Variants in MDFIC observed in about 807,000 individuals in gnomAD.
The protein encoded by MDFIC is MyoD family inhibitor domain containing.
MDFIC carries 17 observed loss-of-function variants against 23.2 expected under a neutral mutation model. The ratio of observed to expected loss-of-function variants is 0.73; its 90% confidence interval spans 0.50 to 1.10. The LOEUF (loss-of-function observed/expected upper bound fraction) is 1.10, where lower values mean the gene tolerates loss of function less well. MDFIC is among the 50% of genes least tolerant of loss of function. The pLI is 0.00. For synonymous variants in MDFIC, 120 were observed against 115.2 expected (o/e 1.04, Z -0.27); for missense variants, 356 against 316.6 (o/e 1.12, Z -0.95).
intron 2 of MDFIC, among the ~76,000 whole-genome samples, chr7:114,936,526 G>A (rs1373073041): frequency 6.6e-6 from 1 of 152,028 alleles, no homozygotes; most frequent in Non-Finnish European, 1.5e-5. Context: ...ACTAAGAGTA[G>A]TTATAAATGA....
intron 4 of MDFIC, among the ~76,000 whole-genome samples, chr7:115,015,271 T>C (rs914146671): frequency 6.6e-6 from 1 of 152,196 alleles, no homozygotes; most frequent in African/African-American, 2.4e-5. Flanking sequence ...AGCAGGTGGG[T>C]GGAGCAATTG....
intron 2 of MDFIC, among the ~76,000 whole-genome samples, chr7:114,929,708 A>G (rs1350119164): frequency 6.6e-6 from 1 of 152,230 alleles, no homozygotes; most frequent in Non-Finnish European, 1.5e-5. Flanking sequence ...TAAGAGAAAC[A>G]GGGTGCATGG....
chr7:114,944,199 T>A (rs1457487084), intron 3 of MDFIC, among the ~76,000 whole-genome samples: 2 of 152,190 alleles, frequency 1.3e-5, no homozygotes, highest in East Asian at 3.8e-4. Context: ...TCTAGTTTCT[T>A]ACTAATATTC....
intron 3 of MDFIC, among the ~76,000 whole-genome samples, chr7:114,969,526 T>C (rs933393976): frequency 3.9e-5 from 6 of 152,204 alleles, no homozygotes; most frequent in Admixed American, 3.9e-4. Flanking sequence ...CCCAGTATTG[T>C]CAAACTCTGT....
chr7:115,007,019 C>G (rs1791583348), intron 4 of MDFIC, among the ~76,000 whole-genome samples: 1 of 152,072 alleles, frequency 6.6e-6, no homozygotes, highest in Admixed American at 6.6e-5. Context: ...CTGCTGTAGC[C>G]AAACACAAGG....
chr7:114,996,237 C>G (rs1791325200), intron 4 of MDFIC, among the ~76,000 whole-genome samples: 1 of 152,122 alleles, frequency 6.6e-6, no homozygotes, highest in Non-Finnish European at 1.5e-5. Flanking sequence ...TGCTGTGATT[C>G]ACATGGGAGG....
chr7:115,013,021 T>C (rs1482729665), intron 4 of MDFIC, among the ~76,000 whole-genome samples: 1 of 152,052 alleles, frequency 6.6e-6, no homozygotes, highest in Non-Finnish European at 1.5e-5. Context: ...ACATCAATCA[T>C]TGTATGTTAA....
In MDFIC at chr7:114,955,975, T is replaced by A. The variant is rs116659559; in HGVS notation, c.217+13578T>A. The stretch of plus-strand genomic sequence containing the variant: ...AAGTCAAGCAACTGACCTGGGGCCA[T>A]GCAGCTAATATCTTGATTTTTCAGC... On this transcript the variant is annotated intron_variant, in intron 3 of 4. Transcript: ENST00000393486. Among the ~76,000 whole-genome samples, 866 of 152,298 alleles carry A rather than the reference T, an allele frequency of 5.7e-3. 7 individuals are homozygous for A. The highest frequency in any genetic ancestry group is 0.016 in the African/African-American group (663 of 41,558).
In MDFIC at chr7:114,922,372, G is replaced by C. The variant is rs1792097656; in HGVS notation, c.-372G>C. The C allele has an allele frequency of 2.4e-6, 3 of 1,227,338 alleles. No homozygotes were observed. Among genetic ancestry groups the C allele is most frequent in the South Asian group, 4.1e-5 (1 of 24,284 alleles). 76.0% of individuals were successfully genotyped at this position (1,227,338 alleles called of 1,614,324 possible). The stretch of plus-strand genomic sequence containing the variant: ...AGGCAGAGAGGGGGAAGGCCCCCTC[G>C]CAGGGGAGCCGGCTGGAGTGAGCTG... On this transcript the variant is annotated 5_prime_UTR_variant, in exon 1 of 5. Coordinates refer to ENST00000393486, the MANE Select transcript of MDFIC (RefSeq NM_001166345.3).
At chr7:114,942,126 A>T in intron 2 of MDFIC, 149 bp from the exon 3 acceptor site, 1 of 397,860 alleles carries the variant, frequency 2.5e-6, no homozygotes, top group Non-Finnish European at 4.4e-6. Flanking sequence ...TTACTGAGCC[A>T]ATAAAATAGG....
chr7:114,936,490 G>A (rs1792426244), intron 2 of MDFIC, among the ~76,000 whole-genome samples: 1 of 151,996 alleles, frequency 6.6e-6, no homozygotes, highest in Non-Finnish European at 1.5e-5. Flanking sequence ...AAGGTAAAGT[G>A]TACATTTCTA....
chr7:114,993,692 G>A (rs1791241414), intron 4 of MDFIC, among the ~76,000 whole-genome samples: 1 of 152,192 alleles, frequency 6.6e-6, no homozygotes, highest in Non-Finnish European at 1.5e-5. Context: ...GTTCTAGTTT[G>A]ATTGCGCTGT....
chr7:114,942,596 A>G lies in MDFIC; in HGVS notation c.217+199A>G, dbSNP rs147742681. On this transcript the variant is annotated intron_variant, in intron 3 of 4. Transcript: ENST00000393486. ...CTGTCAGTGTTGCCTTTCTTCAGAA[A>G]TGAAGAATTGACGCGTAAATATTGA... Among the ~76,000 whole-genome samples, 152 of 152,312 alleles carry G rather than the reference A, an allele frequency of 1.0e-3. No homozygotes were observed. The Middle Eastern group carries it at 0.024, about 24-fold the overall frequency.
intron 4 of MDFIC, among the ~76,000 whole-genome samples, chr7:115,006,045 T>C (rs1791564603): frequency 6.6e-6 from 1 of 152,186 alleles, no homozygotes; most frequent in Admixed American, 6.5e-5. Flanking sequence ...GGGGCCTGTC[T>C]CTTCTGTCAG....
At chr7:114,962,097 T>C (rs1563143199) in intron 3 of MDFIC, among the ~76,000 whole-genome samples, 1 of 152,178 alleles carries the variant, frequency 6.6e-6, no homozygotes, top group Non-Finnish European at 1.5e-5. Context: ...TTTTTCTAGA[T>C]ATCATGTCAT....
chr7:114,990,766 G>C (rs1410549645), intron 4 of MDFIC, among the ~76,000 whole-genome samples: 1 of 152,158 alleles, frequency 6.6e-6, no homozygotes. Context: ...CATTTGGGTT[G>C]GTTCCAAGTC....
chr7:114,988,548 A>G (rs1315336286), intron 4 of MDFIC, among the ~76,000 whole-genome samples: 1 of 152,194 alleles, frequency 6.6e-6, no homozygotes, highest in Non-Finnish European at 1.5e-5. Flanking sequence ...GGATTAAATG[A>G]GGTCCAGAGC....
In MDFIC at chr7:115,016,766, C is replaced by G. The variant is rs1791804507; in HGVS notation, c.*831C>G. 2 of 150,850 alleles carry G rather than the reference C, an allele frequency of 1.3e-5. No homozygotes were observed. Among genetic ancestry groups the G allele is most frequent in the African/African-American group, 4.9e-5 (2 of 40,784 alleles). 9.3% of individuals were successfully genotyped at this position (150,850 alleles called of 1,614,324 possible). A position where few individuals can be genotyped will look rare whatever the true frequency, so the allele number is the denominator to read the frequency against. ...TTGGGAACCAGTGTTGATCTCTCTC[C>G]CTTACCTTCTCCACTTGTTCAACAG... On this transcript the variant is annotated 3_prime_UTR_variant, in exon 5 of 5. Transcript: ENST00000393486.
chr7:114,985,723 A>G (rs1370271359), intron 4 of MDFIC, among the ~76,000 whole-genome samples: 5 of 151,770 alleles, frequency 3.3e-5, no homozygotes, highest in Non-Finnish European at 5.9e-5. Flanking sequence ...TCAGAGAACT[A>G]CAAACAGTTT....
Sources: allele counts gnomAD v4.1 joint callset (sites outside exome capture counted in the v4.1 genomes callset), GRCh38; gene constraint gnomAD v4.1.1; transcripts MANE v1.5; gene names NCBI Gene and HGNC (gene_info 2026-07-23, HGNC 2026-07-21).